Variants in TESK2 observed in about 807,000 individuals in gnomAD.
TESK2 encodes testis associated actin remodelling kinase 2, also known as dual specificity testis-specific protein kinase 2.
In TESK2, 39 loss-of-function variants were observed where a neutral mutation model predicts 57.1. That is an observed-to-expected ratio of 0.68 (90% CI 0.53 to 0.89). The LOEUF (loss-of-function observed/expected upper bound fraction) is 0.89. Ranked by LOEUF, TESK2 falls within the 40% of genes least tolerant of loss-of-function variation. The probability of loss-of-function intolerance (pLI) is 0.00; values close to 1 mark genes in which losing one functional copy is unlikely to be tolerated. For synonymous variants in TESK2, 249 were observed against 267.9 expected (o/e 0.93, Z 0.69); for missense variants, 646 against 732.1 (o/e 0.88, Z 1.36).
In TESK2 at chr1:45,355,310, G is replaced by T; in HGVS notation, c.533C>A (p.Thr178Lys). 1.9e-6 allele frequency: 3 copies of T among 1,614,062 alleles called. No homozygotes were observed. The highest frequency in any genetic ancestry group is 2.5e-6 in the Non-Finnish European group (3 of 1,179,992). ...HFKGIFHRDLTSKNCLIKRDE... is the reference protein window; with the variant it reads ...HFKGIFHRDLKSKNCLIKRDE... ...AGAGTAAAGCCTTCATACCTTAGAT[G>T]TGAGGTCCCGATGAAAAATGCCTTT... Residue 178 changes from threonine to lysine, a missense_variant, in exon 5 of 11, where the codon ACA (threonine) becomes AAA (lysine). Transcript: ENST00000372086.
intron 1 of TESK2, among the ~76,000 whole-genome samples, chr1:45,462,282 T>A (rs891953167): frequency 3.9e-5 from 6 of 152,078 alleles, no homozygotes; most frequent in African/African-American, 1.2e-4. Context: ...TCTTTTTTTT[T>A]TTATTTTTTA....
chr1:45,393,454 A>G (rs1186570146), intron 3 of TESK2, among the ~76,000 whole-genome samples: 9 of 152,164 alleles, frequency 5.9e-5, no homozygotes, highest in Non-Finnish European at 2.9e-5. Flanking sequence ...TATATTGGAA[A>G]AAGAGCGGCC....
chr1:45,346,893 C>G (rs959632288), intron 8 of TESK2, 86 bp downstream of exon 8: 4 of 1,554,118 alleles, frequency 2.6e-6, no homozygotes, highest in Admixed American at 3.4e-5. Context: ...ACAGAGAGTT[C>G]CAGCAAGTCC....
chr1:45,477,510 T>G (rs1653044251), intron 1 of TESK2, among the ~76,000 whole-genome samples: 1 of 151,510 alleles, frequency 6.6e-6, no homozygotes. Context: ...TAATTCCAGC[T>G]ACTCGGGAGG....
chr1:45,440,440 G>A (rs1375805702), intron 2 of TESK2, among the ~76,000 whole-genome samples: 8 of 152,034 alleles, frequency 5.3e-5, no homozygotes, highest in Admixed American at 6.6e-5. Flanking sequence ...GGGGCTGGGC[G>A]CGGTGGCTCA....
chr1:45,377,339 C>G (rs912038121), intron 4 of TESK2, among the ~76,000 whole-genome samples: 1 of 150,816 alleles, frequency 6.6e-6, no homozygotes, highest in Admixed American at 6.6e-5. Context: ...TAGGAAAAGA[C>G]GGCGGACCGA....
intron 6 of TESK2, 49 bp from the exon 7 acceptor site, chr1:45,347,742 A>G (rs140610513): frequency 1.3e-5 from 21 of 1,592,602 alleles, no homozygotes; most frequent in African/African-American, 1.2e-4. Flanking sequence ...GGCTGGTGCA[A>G]TGGAATCTTT....
chr1:45,375,216 TACAGC>T (rs1648352147), intron 4 of TESK2, among the ~76,000 whole-genome samples: 1 of 152,178 alleles, frequency 6.6e-6, no homozygotes, highest in Non-Finnish European at 1.5e-5. Context: ...CTAAAGTTCT[TACAGC>T]AGTATATATG....
chr1:45,490,689 C>A (rs1276833307), intron 1 of TESK2, among the ~76,000 whole-genome samples, 163 bp downstream of exon 1: 1 of 152,018 alleles, frequency 6.6e-6, no homozygotes, highest in Non-Finnish European at 1.5e-5. Context: ...AGGAAGGGAG[C>A]GTCCGCCGCC....
At chr1:45,364,476 G>A (rs1647825954) in intron 4 of TESK2, among the ~76,000 whole-genome samples, 1 of 152,188 alleles carries the variant, frequency 6.6e-6, no homozygotes, top group Non-Finnish European at 1.5e-5. Flanking sequence ...AGAGAACAAG[G>A]CCCTACCAAC....
intron 1 of TESK2, among the ~76,000 whole-genome samples, chr1:45,483,156 C>G (rs1653303025): frequency 6.6e-6 from 1 of 151,432 alleles, no homozygotes; most frequent in South Asian, 2.1e-4. Flanking sequence ...TAGCGGGTAC[C>G]TGTAATCCCA....
rs17399762 is a variant in TESK2 at position 45,423,619 on chromosome 1, G to A, written c.223-1773C>T. Among the ~76,000 whole-genome samples, 465 of 150,402 alleles carry A rather than the reference G, an allele frequency of 3.1e-3. 8 individuals are homozygous for A. Among genetic ancestry groups the A allele is most frequent in the Admixed American group, 0.021 (312 of 15,084 alleles). On this transcript the variant is annotated intron_variant, in intron 2 of 10. Transcript: ENST00000372086. ...TCATGCTAAATATAGAAAGAAGTCC[G>A]TGAACCTTTTAGAGCTAATATTGTA...
intron 1 of TESK2, among the ~76,000 whole-genome samples, chr1:45,458,954 CT>C (rs1476972675): frequency 6.6e-6 from 1 of 152,182 alleles, no homozygotes; most frequent in Non-Finnish European, 1.5e-5. Context: ...AACATTGTGA[CT>C]CCTCAATTAG....
At chr1:45,425,910 C>T (rs1351859130) in intron 2 of TESK2, among the ~76,000 whole-genome samples, 2 of 151,780 alleles carry the variant, frequency 1.3e-5, no homozygotes, top group Admixed American at 6.6e-5. Context: ...TTTGGGAGGC[C>T]GAGGTGGGTG....
chr1:45,465,071 T>C (rs941278189), intron 1 of TESK2, among the ~76,000 whole-genome samples: 6 of 152,066 alleles, frequency 3.9e-5, no homozygotes. Flanking sequence ...ACCCCGTCTC[T>C]ACTAAAAATA....
intron 1 of TESK2, among the ~76,000 whole-genome samples, chr1:45,484,802 C>T (rs550356239): frequency 4.6e-5 from 7 of 151,542 alleles, no homozygotes; most frequent in Non-Finnish European, 1.0e-4. Flanking sequence ...GAGGCCGAGG[C>T]GGGTAGATCA....
At chr1:45,484,597 G>A (rs919844275) in intron 1 of TESK2, among the ~76,000 whole-genome samples, 6 of 151,790 alleles carry the variant, frequency 4.0e-5, no homozygotes, top group Admixed American at 3.3e-4. Context: ...TTAGCCGGGC[G>A]TGGTGGTGCA....
At chr1:45,393,194 C>T (rs868403630) in intron 3 of TESK2, among the ~76,000 whole-genome samples, 1 of 152,148 alleles carries the variant, frequency 6.6e-6, no homozygotes, top group African/African-American at 2.4e-5. Flanking sequence ...CCCAGGCCCA[C>T]TATTATTTTG....
chr1:45,462,801 T>C (rs990119464), intron 1 of TESK2, among the ~76,000 whole-genome samples: 5 of 152,234 alleles, frequency 3.3e-5, no homozygotes, highest in African/African-American at 1.2e-4. Flanking sequence ...TTTTACTATT[T>C]TGAGGGACCT....
Sources: gnomAD v4.1 joint callset for allele counts (sites outside exome capture counted in the v4.1 genomes callset) on GRCh38, gnomAD v4.1.1 for gene constraint, MANE v1.5 for transcripts, NCBI Gene and HGNC (gene_info 2026-07-23, HGNC 2026-07-21) for gene names.